ANKFN1: variants seen among roughly 807,000 people sequenced by gnomAD.
ANKFN1 encodes ankyrin repeat and fibronectin type-III domain-containing protein 1.
A neutral mutation model predicts 108.7 loss-of-function variants in ANKFN1; 74 were observed. That is an observed-to-expected ratio of 0.68 (90% CI 0.56 to 0.83). The LOEUF (loss-of-function observed/expected upper bound fraction) is 0.83, where lower values mean the gene tolerates loss of function less well. Among genes scored for constraint, ANKFN1 ranks in the 40% least tolerant of loss-of-function variants. ANKFN1 has a pLI of 0.00. For missense variants in ANKFN1, 1,505 were observed against 1,382.3 expected (o/e 1.09, Z -1.41); for synonymous variants, 547 against 516.2 (o/e 1.06, Z -0.81).
chr17:56,382,054 C>A (rs1251876070), intron 8 of ANKFN1, among the ~76,000 whole-genome samples: 1 of 152,166 alleles, frequency 6.6e-6, no homozygotes, highest in Non-Finnish European at 1.5e-5. Context: ...GGGTTACCCA[C>A]AAAGGGAAGC....
Position 56,510,650 on chromosome 17 carries a change from A to C in ANKFN1, c.2822A>C (p.Gln941Pro). 1 of 1,536,142 alleles carries C rather than the reference A, an allele frequency of 6.5e-7. No individual in the cohort carries two copies. The highest frequency in any genetic ancestry group is 2.4e-5 in the East Asian group (1 of 40,906). ...AGCGGCAGCGCCCCCGACGTCCTGC[A>C]AGTGCACGACGTGAAAACCCCTCTG... The part of the protein sequence containing the change: ...GLSGSAPDVL[Q>P]VHDVKTPLGP... The change falls in exon 21 of 21, where the codon CAA (glutamine) becomes CCA (proline). Residue 941 changes from glutamine to proline, a missense_variant. Physicochemically the swap from Gln to Pro is moderately conservative, Grantham distance 76 (BLOSUM62 -1). Transcript: ENST00000682825.
At chr17:56,236,970 CTGA>C (rs1567855989) in intron 3 of ANKFN1, among the ~76,000 whole-genome samples, 1 of 152,010 alleles carries the variant, frequency 6.6e-6, no homozygotes, top group African/African-American at 2.4e-5. Context: ...TCAACATGAA[CTGA>C]TGTTGAATTT....
chr17:56,419,810 CAAAAAA>C (rs5821128), intron 8 of ANKFN1, among the ~76,000 whole-genome samples: 3 of 102,088 alleles, frequency 2.9e-5, no homozygotes, highest in African/African-American at 5.8e-5. Flanking sequence ...GACCCTGTCT[CAAAAAA>C]AAAAAAAAAA....
At chr17:56,178,613 A>T (rs1911391491) in intron 1 of ANKFN1, among the ~76,000 whole-genome samples, 1 of 152,000 alleles carries the variant, frequency 6.6e-6, no homozygotes, top group Non-Finnish European at 1.5e-5. Flanking sequence ...GGGCCTGAGG[A>T]TCTATATATT....
intron 4 of ANKFN1, among the ~76,000 whole-genome samples, chr17:56,075,973 T>C (rs6505035): frequency 0.68 from 103,920 of 151,942 alleles, 36,058 homozygotes; most frequent in Middle Eastern, 0.76. Context: ...AAATGCTGGT[T>C]CTCAAAGACA....
chr17:56,115,764 G>C (rs1906228736), intron 4 of ANKFN1, among the ~76,000 whole-genome samples: 1 of 152,126 alleles, frequency 6.6e-6, no homozygotes, highest in Non-Finnish European at 1.5e-5. Context: ...CAGGAGAAAG[G>C]ATAATTTTGA....
chr17:56,382,800 C>T (rs1345063506), intron 8 of ANKFN1, among the ~76,000 whole-genome samples: 1 of 152,086 alleles, frequency 6.6e-6, no homozygotes, highest in East Asian at 1.9e-4. Flanking sequence ...ATATATGCAC[C>T]CAATACAGGA....
chr17:56,151,584 A>C (rs1908613233), upstream of ANKFN1, among the ~76,000 whole-genome samples: 1 of 152,166 alleles, frequency 6.6e-6, no homozygotes, highest in African/African-American at 2.4e-5. Flanking sequence ...TGGGCTGACA[A>C]AGCCAAGGGT....
chr17:56,482,151 C>T (rs1362950472), intron 17 of ANKFN1, among the ~76,000 whole-genome samples: 1 of 152,124 alleles, frequency 6.6e-6, no homozygotes, highest in Admixed American at 6.5e-5. Flanking sequence ...ATGTTGTTTT[C>T]AGAGTTTATG....
intron 4 of ANKFN1, among the ~76,000 whole-genome samples, chr17:56,106,436 C>T (rs927100899): frequency 5.3e-5 from 8 of 152,162 alleles, no homozygotes; most frequent in Admixed American, 5.2e-4. Flanking sequence ...ATCCCCTTAC[C>T]GATAAAACAG....
At chr17:56,325,816 A>G (rs1275796303) in intron 3 of ANKFN1, among the ~76,000 whole-genome samples, 1 of 152,194 alleles carries the variant, frequency 6.6e-6, no homozygotes, top group East Asian at 1.9e-4. Flanking sequence ...AGATTGCTGG[A>G]TGAGCTCTTG....
intron 4 of ANKFN1, among the ~76,000 whole-genome samples, chr17:56,093,882 A>T (rs1156330538): frequency 6.6e-6 from 1 of 151,318 alleles, no homozygotes; most frequent in African/African-American, 2.4e-5. Flanking sequence ...TTGAAGTCCT[A>T]ATCCCCAATA....
At chr17:56,457,226 A>G (rs780023556) in intron 12 of ANKFN1, 31 bp from the exon 13 acceptor site, 3 of 1,533,222 alleles carry the variant, frequency 2.0e-6, no homozygotes, top group East Asian at 4.5e-5. Flanking sequence ...ATGGTTGAGG[A>G]CAATGCTTTT....
chr17:56,414,054 A>G (rs2048171508), intron 8 of ANKFN1, among the ~76,000 whole-genome samples: 1 of 152,200 alleles, frequency 6.6e-6, no homozygotes, highest in Non-Finnish European at 1.5e-5. Flanking sequence ...GTAATTGTGG[A>G]TAAGCTGTTT....
intron 4 of ANKFN1, among the ~76,000 whole-genome samples, chr17:56,126,542 C>T (rs1452197635): frequency 2.0e-5 from 3 of 152,178 alleles, no homozygotes; most frequent in Non-Finnish European, 4.4e-5. Flanking sequence ...CTGCTGGCGT[C>T]GGCCACAGAA....
intron 4 of ANKFN1, among the ~76,000 whole-genome samples, chr17:56,061,586 T>C (rs1213305498): frequency 6.6e-6 from 1 of 152,168 alleles, no homozygotes; most frequent in Non-Finnish European, 1.5e-5. Context: ...AGTTTGTATT[T>C]CTATGGGGTC....
At chr17:56,437,626 A>G (rs1018914327) in intron 8 of ANKFN1, among the ~76,000 whole-genome samples, 8 of 152,130 alleles carry the variant, frequency 5.3e-5, no homozygotes, top group Admixed American at 1.3e-4. Flanking sequence ...TTTTTCTTCT[A>G]TAGCTAAATT....
chr17:56,505,304 A>G (rs1244696358), intron 20 of ANKFN1, among the ~76,000 whole-genome samples: 1 of 152,200 alleles, frequency 6.6e-6, no homozygotes, highest in Non-Finnish European at 1.5e-5. Context: ...TTATGCTCCC[A>G]GATTTCAATA....
chr17:56,433,580 A>G (rs1456134871), intron 8 of ANKFN1, among the ~76,000 whole-genome samples: 1 of 152,124 alleles, frequency 6.6e-6, no homozygotes, highest in Non-Finnish European at 1.5e-5. Context: ...TCAGAAATGG[A>G]AAAACCAAAC....
Sources: gnomAD v4.1 joint callset for allele counts (sites outside exome capture counted in the v4.1 genomes callset) on GRCh38, gnomAD v4.1.1 for gene constraint, MANE v1.5 for transcripts, NCBI Gene and HGNC (gene_info 2026-07-23, HGNC 2026-07-21) for gene names.